The following FGL1 variants were observed in gnomAD, a reference collection of about 807,000 sequenced individuals.
FGL1 encodes the protein fibrinogen-like protein 1.
A neutral mutation model predicts 43.7 loss-of-function variants in FGL1; 59 were observed. The ratio of observed to expected loss-of-function variants is 1.35; its 90% CI spans 1.10 to 1.68. FGL1 has a LOEUF of 1.68. Ranked by LOEUF, FGL1 falls within the 40% of genes most tolerant of loss-of-function variation. FGL1 has a pLI of 0.00. For synonymous variants in FGL1, 192 were observed against 126.5 expected, an observed-to-expected ratio of 1.52 and a Z score of -3.48; for missense variants, 596 against 373.0, an observed-to-expected ratio of 1.60 and a Z score of -4.92.
intron 1 of FGL1, among the ~76,000 whole-genome samples, chr8:17,887,352 A>G (rs753209871): frequency 6.6e-6 from 1 of 152,216 alleles, no homozygotes; most frequent in East Asian, 1.9e-4. Context: ...TGGGAGAGGT[A>G]TAAAAGGTAT....
At position 17,864,673 on chromosome 8, in the gene FGL1, G is replaced by A. The variant is rs759783838; in HGVS notation, c.858C>T (p.Tyr286=). ...TAKTDNGIVW[Y]TWHGWWYSLK... ...GAGAATACCACCACCCATGCCAGGTGTACCAGACAATCCCATTGTCTGTTT... is the reference window on the plus strand; with the variant it reads ...GAGAATACCACCACCCATGCCAGGTATACCAGACAATCCCATTGTCTGTTT... Residue 286 remains tyrosine (Y), a synonymous_variant, in exon 8 of 8, where the codon TAC becomes TAT. Coordinates refer to ENST00000427924, the MANE Select transcript of FGL1 (RefSeq NM_004467.4). The A allele has an allele frequency of 6.2e-7, 1 of 1,613,632 alleles. No individual in the cohort carries two copies. The highest frequency in any genetic ancestry group is 2.2e-5 in the East Asian group (1 of 44,850).
chr8:17,890,385 C>T (rs1465472716), intron 1 of FGL1, among the ~76,000 whole-genome samples: 3 of 152,186 alleles, frequency 2.0e-5, no homozygotes, highest in Non-Finnish European at 4.4e-5. Flanking sequence ...CTTTTCCCAT[C>T]ATTTTTGCCT....
At chr8:17,879,616 G>A (rs1462616005) in intron 3 of FGL1, among the ~76,000 whole-genome samples, 3 of 152,098 alleles carry the variant, frequency 2.0e-5, no homozygotes, top group African/African-American at 7.2e-5. Context: ...CATGTGAGAT[G>A]TGCCTGCTTC....
At position 17,884,300 on chromosome 8, in the gene FGL1, T is replaced by A. The variant is rs1198305411; in HGVS notation, c.63+1192A>T. On this transcript the variant is annotated intron_variant, in intron 2 of 7. Transcript: ENST00000427924. ...TCTGCCTCTCTGGTTCAAGCGATTC[T>A]TGTGCTTCATCCTGGCAAGTAGCTG... Among the ~76,000 whole-genome samples, 9 of 152,216 alleles carry A rather than the reference T, an allele frequency of 5.9e-5. No individual in the cohort carries two copies. In the East Asian group the frequency reaches 1.5e-3, roughly 26 times the overall value.
At chr8:17,886,000 C>T (rs778560619) in intron 1 of FGL1, among the ~76,000 whole-genome samples, 3 of 152,128 alleles carry the variant, frequency 2.0e-5, no homozygotes, top group Admixed American at 1.3e-4. Context: ...GTGATCCTCC[C>T]GCCTTGGCCT....
chr8:17,882,917 A>AT (rs1350916773), intron 2 of FGL1, among the ~76,000 whole-genome samples: 2 of 17,752 alleles, frequency 1.1e-4, no homozygotes, highest in South Asian at 8.2e-4. Context: ...AATAATATAT[A>AT]ATATATCTCA....
In FGL1 at chr8:17,894,124, T is replaced by C. The variant is rs34926109; in HGVS notation, c.-18+1323A>G. 3.8e-3 allele frequency among the ~76,000 whole-genome samples: 555 copies of C among 147,330 alleles called. 89 individuals carry two copies. Among genetic ancestry groups the C allele is most frequent in the African/African-American group, 0.014 (514 of 37,714 alleles). On this transcript the variant is annotated intron_variant, in intron 1 of 7. Coordinates refer to ENST00000427924, the MANE Select transcript of FGL1 (RefSeq NM_004467.4). ...CATTAAATTTGTAAATGAAAAGTTC[T>C]AAAAATAATATATAATTTTTAAAAA...
At chr8:17,873,908 C>T in intron 5 of FGL1, 111 bp downstream of exon 5, 1 of 641,834 alleles carries the variant, frequency 1.6e-6, no homozygotes, top group Non-Finnish European at 2.4e-6. Flanking sequence ...CTGCCATCTG[C>T]AAATCATAGC....
At chr8:17,887,343 G>A (rs1196166425) in intron 1 of FGL1, among the ~76,000 whole-genome samples, 2 of 152,148 alleles carry the variant, frequency 1.3e-5, no homozygotes, top group Non-Finnish European at 2.9e-5. Context: ...TCATGCACCT[G>A]GGAGAGGTAT....
intron 1 of FGL1, among the ~76,000 whole-genome samples, chr8:17,890,262 A>T (rs996042855): frequency 1.3e-5 from 2 of 152,226 alleles, no homozygotes; most frequent in African/African-American, 4.8e-5. Context: ...ATTTTTTAGA[A>T]TTACAATGAG....
In FGL1 at chr8:17,864,493, A is replaced by T; in HGVS notation, c.*99T>A. 1 of 1,315,028 alleles carries T rather than the reference A, an allele frequency of 7.6e-7. No individual in the cohort carries two copies. The highest frequency in any genetic ancestry group is 1.0e-6 in the Non-Finnish European group (1 of 965,444). 81.5% of individuals were successfully genotyped at this position (1,315,028 alleles called of 1,614,324 possible). On this transcript the variant is annotated 3_prime_UTR_variant, in exon 8 of 8. Transcript: ENST00000427924. ...AGAAGAATGAAAAGCACTACTCACA[A>T]CAGTTATCATGATTGCGCATGGATA...
chr8:17,866,049 T>C (rs568612155), intron 7 of FGL1, among the ~76,000 whole-genome samples: 1 of 152,276 alleles, frequency 6.6e-6, no homozygotes, highest in African/African-American at 2.4e-5. Flanking sequence ...GTAAATTGAG[T>C]CTCCAGAATA....
chr8:17,868,099 G>C lies in FGL1; in HGVS notation c.779+449C>G, dbSNP rs116198192. 3.6e-3 allele frequency among the ~76,000 whole-genome samples: 554 copies of C among 152,300 alleles called. 3 individuals carry two copies. Among genetic ancestry groups the C allele is most frequent in the African/African-American group, 0.012 (514 of 41,556 alleles). On this transcript the variant is annotated intron_variant, in intron 7 of 7. Transcript: ENST00000427924. ...AAATTTCTGTATTGGGAGAGGCTTAGACTCAATGAATTAATGAAAGCCATA... is the reference window on the plus strand; with the variant it reads ...AAATTTCTGTATTGGGAGAGGCTTACACTCAATGAATTAATGAAAGCCATA...
At chr8:17,882,670 T>C (rs980824221) in intron 2 of FGL1, 3 of 128,388 alleles carry the variant, frequency 2.3e-5, no homozygotes, top group African/African-American at 1.1e-4. Flanking sequence ...GGCTGTCTGG[T>C]ATAAATACTT....
At position 17,869,796 on chromosome 8, in the gene FGL1, T is replaced by C. The variant is rs542001764; in HGVS notation, c.503-792A>G. On this transcript the variant is annotated intron_variant, in intron 5 of 7. Coordinates refer to ENST00000427924, the MANE Select transcript of FGL1 (RefSeq NM_004467.4). ...AAAAGGTATTTCTGAAGAACTGATA[T>C]CTACATGTGAAAGCATTTTAAGAAT... 4.6e-5 allele frequency among the ~76,000 whole-genome samples: 7 copies of C among 152,276 alleles called. No individual in the cohort carries two copies. In the South Asian group the frequency reaches 1.5e-3, roughly 32 times the overall value.
rs545830500 is a variant in FGL1 at position 17,868,571 on chromosome 8, ATCT to A, written c.753_755del (p.Glu251del). 41 of 1,612,804 alleles carry A rather than the reference ATCT, an allele frequency of 2.5e-5. No homozygotes were observed. Among genetic ancestry groups the A allele is most frequent in the South Asian group, 8.8e-5 (8 of 90,794 alleles). Reference sequence around the variant, plus strand: ...ACCTGTTAAACCACCAGCCAGACTGATCTTCTTCTGCGCAGTTCCCTTCATAGT... The same window carrying A: ...ACCTGTTAAACCACCAGCCAGACTGATCTTCTGCGCAGTTCCCTTCATAGT... On this transcript the variant is annotated inframe_deletion, in exon 7 of 8. Transcript: ENST00000427924.
chr8:17,869,080 C>T, intron 5 of FGL1, 76 bp from the exon 6 acceptor site: 1 of 864,142 alleles, frequency 1.2e-6, no homozygotes, highest in South Asian at 1.7e-5. Flanking sequence ...AAAAATAATT[C>T]ACAGCTCTAT....
chr8:17,880,551 C>T (rs998649549), intron 3 of FGL1, among the ~76,000 whole-genome samples: 2 of 152,178 alleles, frequency 1.3e-5, no homozygotes, highest in African/African-American at 4.8e-5. Flanking sequence ...ACCTTCCTTT[C>T]ATTCCTGAAT....
At chr8:17,881,032 A>G (rs2053526135) in intron 3 of FGL1, among the ~76,000 whole-genome samples, 3 of 152,088 alleles carry the variant, frequency 2.0e-5, no homozygotes, top group Non-Finnish European at 2.9e-5. Context: ...CCTAATGCAC[A>G]TTAGGATTTC....
Sources: gnomAD v4.1 joint callset for allele counts (sites outside exome capture counted in the v4.1 genomes callset) on GRCh38, gnomAD v4.1.1 for gene constraint, MANE v1.5 for transcripts, NCBI Gene and HGNC (gene_info 2026-07-23, HGNC 2026-07-21) for gene names.